The following TBX15 variants were observed in gnomAD, a reference collection of about 807,000 sequenced individuals.
TBX15 encodes T-box transcription factor TBX15.
A neutral mutation model predicts 53.9 loss-of-function variants in TBX15; 18 were observed. The observed-to-expected ratio is 0.33, with a 90% CI of 0.23 to 0.49. The LOEUF (loss-of-function observed/expected upper bound fraction) is 0.49, where lower values mean the gene tolerates loss of function less well. Among genes scored for constraint, TBX15 ranks in the 20% least tolerant of loss-of-function variants. The pLI, the probability that TBX15 is intolerant of heterozygous loss-of-function variation, is 0.98. For synonymous variants in TBX15, 295 were observed against 278.0 expected (o/e 1.06, Z -0.61); for missense variants, 692 against 749.5 (o/e 0.92, Z 0.90).
intron 1 of TBX15, among the ~76,000 whole-genome samples, chr1:118,970,009 T>C (rs1466778561): frequency 6.6e-6 from 1 of 152,188 alleles, no homozygotes; most frequent in East Asian, 1.9e-4. Flanking sequence ...GTTCTCACAA[T>C]ATCTTGTTGT....
chr1:118,952,350 A>G (rs1750331), intron 1 of TBX15, among the ~76,000 whole-genome samples: 55,387 of 151,964 alleles, frequency 0.36, 10,504 homozygotes, highest in Non-Finnish European at 0.39. Context: ...ATTTTTGGCT[A>G]CATAGGGAGT....
intron 1 of TBX15, among the ~76,000 whole-genome samples, chr1:118,969,425 T>C (rs946005626): frequency 5.3e-5 from 8 of 152,226 alleles, no homozygotes; most frequent in African/African-American, 1.7e-4. Context: ...GAATGAATAA[T>C]GAACTTTCAA....
rs1366856986 is a variant in TBX15 at position 118,987,961 on chromosome 1, C to T, written c.-166G>A. 4 of 803,954 alleles carry T rather than the reference C, an allele frequency of 5.0e-6. No individual in the cohort carries two copies. Among genetic ancestry groups the T allele is most frequent in the Non-Finnish European group, 7.7e-6 (4 of 520,618 alleles). The allele number at this position is 803,954 out of a possible 1,614,324, so 49.8% of individuals were successfully genotyped here. A position where few individuals can be genotyped will look rare whatever the true frequency, so the allele number is the denominator to read the frequency against. On this transcript the variant is annotated 5_prime_UTR_variant, in exon 1 of 8. Transcript: ENST00000369429. ...CTCTCCACCCTCCCCCTGCGTCCTCCTCCGCCCTCCTCTGCCGGATCCGAC... is the reference window on the plus strand; with the variant it reads ...CTCTCCACCCTCCCCCTGCGTCCTCTTCCGCCCTCCTCTGCCGGATCCGAC...
chr1:118,899,961 T>C (rs1053399118), intron 6 of TBX15, among the ~76,000 whole-genome samples: 1 of 152,204 alleles, frequency 6.6e-6, no homozygotes, highest in Non-Finnish European at 1.5e-5. Flanking sequence ...ACTATGTCTC[T>C]AACACATATG....
In TBX15 at chr1:118,883,479, C is replaced by T. The variant is rs142931443; in HGVS notation, c.*1253G>A. 5.3e-5 allele frequency: 8 copies of T among 152,330 alleles called. No individual in the cohort carries two copies. Among genetic ancestry groups the T allele is most frequent in the Admixed American group, 5.2e-4 (8 of 15,302 alleles). 9.4% of individuals were successfully genotyped at this position (152,330 alleles called of 1,614,324 possible). A position where few individuals can be genotyped will look rare whatever the true frequency, so the allele number is the denominator to read the frequency against. ...AAGACCCATCTGCAATTCCCTGGGA[C>T]ATGAGGGGATATTTCCTGCCACAGG... On this transcript the variant is annotated 3_prime_UTR_variant, in exon 8 of 8. Coordinates refer to ENST00000369429, the MANE Select transcript of TBX15 (RefSeq NM_001330677.2).
intron 7 of TBX15, among the ~76,000 whole-genome samples, chr1:118,893,598 G>GGAAA (rs1216186337): frequency 2.8e-4 from 33 of 119,004 alleles, no homozygotes; most frequent in African/African-American, 5.5e-4. Flanking sequence ...AAGGAAGGAA[G>GGAAA]GAAAGAAAGA....
intron 5 of TBX15, among the ~76,000 whole-genome samples, chr1:118,920,217 A>G (rs959973271): frequency 3.9e-5 from 6 of 152,212 alleles, no homozygotes; most frequent in Non-Finnish European, 5.9e-5. Context: ...ATCAAGAGGA[A>G]GATTGGACAT....
At position 118,893,317 on chromosome 1, in the gene TBX15, A is replaced by AAGGAAGGAAG. The variant is rs1235790582; in HGVS notation, c.1024+5710_1024+5711insCTTCCTTCCT. Among the ~76,000 whole-genome samples the AAGGAAGGAAG allele has an allele frequency of 1.2e-3, 78 of 65,556 alleles. 2 individuals carry two copies. The highest frequency in any genetic ancestry group is 3.1e-3 in the African/African-American group (49 of 15,810). 43.0% of individuals were successfully genotyped at this position (65,556 alleles called of 152,430 possible). On this transcript the variant is annotated intron_variant, in intron 7 of 7. Coordinates refer to ENST00000369429, the MANE Select transcript of TBX15 (RefSeq NM_001330677.2). ...AGGAAGGAAGGAAGGAAGGAAGGAAAGAAAGAAAGAAGAAAGAAGGAAGGA... is the reference window on the plus strand; with the variant it reads ...AGGAAGGAAGGAAGGAAGGAAGGAAAAGGAAGGAAGGAAAGAAAGAAGAAAGAAGGAAGGA...
At chr1:118,955,075 G>A (rs765666969) in intron 1 of TBX15, among the ~76,000 whole-genome samples, 1 of 152,156 alleles carries the variant, frequency 6.6e-6, no homozygotes, top group Non-Finnish European at 1.5e-5. Flanking sequence ...CACCTACATG[G>A]CATCACTTTA....
chr1:118,909,084 AACT>A (rs1479305295), intron 6 of TBX15, among the ~76,000 whole-genome samples: 3 of 152,134 alleles, frequency 2.0e-5, no homozygotes, highest in Non-Finnish European at 4.4e-5. Context: ...AAGCAGGGAG[AACT>A]ACAATAGGCT....
At chr1:118,927,722 G>A (rs1364949576) in intron 2 of TBX15, among the ~76,000 whole-genome samples, 2 of 152,188 alleles carry the variant, frequency 1.3e-5, no homozygotes, top group Non-Finnish European at 2.9e-5. Context: ...ATTGAAGAGA[G>A]GAGGAGACAG....
At chr1:118,946,407 T>A (rs1320550685) in intron 1 of TBX15, among the ~76,000 whole-genome samples, 1 of 152,176 alleles carries the variant, frequency 6.6e-6, no homozygotes, top group Non-Finnish European at 1.5e-5. Flanking sequence ...GGGGCAAGGA[T>A]GCATGGGATT....
upstream of TBX15, among the ~76,000 whole-genome samples, chr1:118,988,895 T>C (rs1164767931): frequency 1.3e-5 from 2 of 152,270 alleles, no homozygotes; most frequent in Non-Finnish European, 2.9e-5. Flanking sequence ...GCCCTGTTAC[T>C]AACCAGGGTC....
intron 6 of TBX15, among the ~76,000 whole-genome samples, chr1:118,913,398 C>T (rs1418848026): frequency 1.3e-5 from 2 of 152,152 alleles, no homozygotes; most frequent in Admixed American, 1.3e-4. Flanking sequence ...TCTCTCCTAA[C>T]TTTCCATAGG....
At position 118,956,608 on chromosome 1, in the gene TBX15, A is replaced by G. The variant is rs183686960; in HGVS notation, c.206-24776T>C. On this transcript the variant is annotated intron_variant, in intron 1 of 7. Coordinates refer to ENST00000369429, the MANE Select transcript of TBX15 (RefSeq NM_001330677.2). ...GGAAAATCATCCCAACAATTTTGAA[A>G]AAATAACCACATCATCAGAGAGCTG... Among the ~76,000 whole-genome samples, 527 of 152,302 alleles carry G rather than the reference A, an allele frequency of 3.5e-3. 3 individuals are homozygous for G. Among genetic ancestry groups the G allele is most frequent in the Admixed American group, 0.012 (185 of 15,300 alleles).
chr1:118,984,842 G>A (rs1001244024), intron 1 of TBX15, among the ~76,000 whole-genome samples: 1 of 152,190 alleles, frequency 6.6e-6, no homozygotes. Context: ...GCGCAGGCCG[G>A]ACTGATCCCC....
Position 118,970,320 on chromosome 1 carries a change from C to G in TBX15, c.205+17271G>C, listed in dbSNP as rs141236804. Among the ~76,000 whole-genome samples, 337 of 152,324 alleles carry G rather than the reference C, an allele frequency of 2.2e-3. 1 individual carries two copies. Among genetic ancestry groups the G allele is most frequent in the African/African-American group, 7.5e-3 (311 of 41,558 alleles). On this transcript the variant is annotated intron_variant, in intron 1 of 7. Coordinates refer to ENST00000369429, the MANE Select transcript of TBX15 (RefSeq NM_001330677.2). ...TTAGAATATAACAATGGCTTGGAAA[C>G]CACCACCCCTGCAGAACCCACAATG...
intron 1 of TBX15, among the ~76,000 whole-genome samples, chr1:118,941,193 A>G (rs1325941): frequency 0.54 from 82,094 of 152,066 alleles, 22,376 homozygotes; most frequent in East Asian, 0.59. Context: ...ATCTGCCATT[A>G]TGGTCTTTTA....
At chr1:118,983,720 G>C (rs566918030) in intron 1 of TBX15, among the ~76,000 whole-genome samples, 32 of 152,168 alleles carry the variant, frequency 2.1e-4, no homozygotes, top group African/African-American at 7.7e-4. Context: ...GGGCGTGCAC[G>C]GCAGAGACAA....
Sources: gnomAD v4.1 joint callset for allele counts (sites outside exome capture counted in the v4.1 genomes callset) on GRCh38, gnomAD v4.1.1 for gene constraint, MANE v1.5 for transcripts, NCBI Gene and HGNC (gene_info 2026-07-23, HGNC 2026-07-21) for gene names.